DYSF: variants seen among roughly 807,000 people sequenced by gnomAD.
DYSF encodes the protein dystrophy-associated fer-1-like 1.
A neutral mutation model predicts 274.9 loss-of-function variants in DYSF; 212 were observed. That is an observed-to-expected ratio of 0.77 (90% CI 0.69 to 0.86). The LOEUF (loss-of-function observed/expected upper bound fraction) is 0.86. Among genes scored for constraint, DYSF ranks in the 40% least tolerant of loss-of-function variants. The probability of loss-of-function intolerance (pLI) is 0.00; values close to 1 mark genes in which losing one functional copy is unlikely to be tolerated. For synonymous variants in DYSF, 1,091 were observed against 1,078.7 expected (o/e 1.01, Z -0.22); for missense variants, 2,666 against 2,783.2 (o/e 0.96, Z 0.95).
intron 1 of DYSF, among the ~76,000 whole-genome samples, chr2:71,457,378 A>T (rs770550917): frequency 3.3e-5 from 5 of 152,174 alleles, no homozygotes; most frequent in Non-Finnish European, 5.9e-5. Flanking sequence ...TAGTGGGGTT[A>T]TGATTTGAGT....
At chr2:71,460,610 C>T (rs2081244664) in intron 1 of DYSF, among the ~76,000 whole-genome samples, 1 of 152,140 alleles carries the variant, frequency 6.6e-6, no homozygotes, top group African/African-American at 2.4e-5. Context: ...AGGGAACAGT[C>T]AGTTATCTGA....
At chr2:71,526,095 C>T (rs1474994499) in intron 12 of DYSF, 125 bp from the exon 13 acceptor site, 7 of 1,549,512 alleles carry the variant, frequency 4.5e-6, no homozygotes, top group African/African-American at 1.4e-5. Flanking sequence ...TAGTAAGTGT[C>T]GGAGCGCAGT....
intron 22 of DYSF, among the ~76,000 whole-genome samples, chr2:71,559,590 G>A (rs1463950742): frequency 1.3e-5 from 2 of 152,082 alleles, no homozygotes; most frequent in Admixed American, 6.5e-5. Context: ...TAGTTTGTCC[G>A]GCCCTCAGCA....
intron 40 of DYSF, among the ~76,000 whole-genome samples, chr2:71,620,131 C>T (rs1274098465): frequency 6.6e-6 from 1 of 152,060 alleles, no homozygotes; most frequent in East Asian, 1.9e-4. Context: ...TGGTGTGGCT[C>T]AGAGGTTAGG....
intron 41 of DYSF, among the ~76,000 whole-genome samples, chr2:71,634,584 G>A (rs908989352): frequency 3.9e-5 from 6 of 152,314 alleles, no homozygotes; most frequent in African/African-American, 1.4e-4. Context: ...CTGTGAGTGT[G>A]TTAAAAATAT....
intron 41 of DYSF, among the ~76,000 whole-genome samples, chr2:71,631,763 G>A (rs929288240): frequency 6.6e-5 from 10 of 151,962 alleles, no homozygotes; most frequent in African/African-American, 2.2e-4. Context: ...TTGGATCCTC[G>A]TTGCCGGAGC....
intron 3 of DYSF, 114 bp from the exon 4 acceptor site, chr2:71,503,100 G>C: frequency 3.3e-6 from 3 of 921,612 alleles, no homozygotes; most frequent in Non-Finnish European, 5.4e-6. Flanking sequence ...GGTGCTGGGT[G>C]ACTGTGTGGT....
At chr2:71,459,179 A>G (rs1334440662) in intron 1 of DYSF, among the ~76,000 whole-genome samples, 2 of 152,176 alleles carry the variant, frequency 1.3e-5, no homozygotes, top group Admixed American at 6.5e-5. Context: ...AGTCCTGTCA[A>G]CTCATGTAGA....
At chr2:71,659,649 T>C (rs529698706) in intron 44 of DYSF, among the ~76,000 whole-genome samples, 1 of 152,382 alleles carries the variant, frequency 6.6e-6, no homozygotes, top group East Asian at 1.9e-4. Context: ...TCTTAATAAC[T>C]ATTTTGGCCC....
At position 71,562,926 on chromosome 2, in the gene DYSF, A is replaced by G. The variant is rs951503820; in HGVS notation, c.2409+982A>G. 3.9e-5 allele frequency among the ~76,000 whole-genome samples: 6 copies of G among 152,140 alleles called. No homozygotes were observed. The South Asian group carries it at 1.2e-3, about 32-fold the overall frequency. On this transcript the variant is annotated intron_variant, in intron 23 of 55. Coordinates refer to ENST00000410020, the MANE Select transcript of DYSF (RefSeq NM_001130987.2). ...CCAGACTGACCCGTGAACTGTAAGC[A>G]CAAATTGTGATATGGCTGGAAGGGG...
intron 52 of DYSF, among the ~76,000 whole-genome samples, chr2:71,678,416 A>G (rs1398694382): frequency 6.6e-6 from 1 of 152,254 alleles, no homozygotes; most frequent in Non-Finnish European, 1.5e-5. Flanking sequence ...TATGGAAATC[A>G]AAATAAGCCA....
At chr2:71,600,585 G>A in intron 33 of DYSF, 117 bp from the exon 34 acceptor site, 2 of 1,400,854 alleles carry the variant, frequency 1.4e-6, no homozygotes, top group Non-Finnish European at 2.0e-6. Context: ...GGGAGGGGGT[G>A]CCCTTACTAC....
At chr2:71,504,015 AT>A (rs2085237759) in intron 4 of DYSF, among the ~76,000 whole-genome samples, 1 of 152,170 alleles carries the variant, frequency 6.6e-6, no homozygotes, top group Non-Finnish European at 1.5e-5. Context: ...GGCCTGGGGG[AT>A]TCAGGCCCTG....
intron 1 of DYSF, among the ~76,000 whole-genome samples, chr2:71,478,400 A>G (rs1355090778): frequency 2.6e-5 from 4 of 151,862 alleles, no homozygotes; most frequent in South Asian, 2.1e-4. Context: ...TTTAGTAGAG[A>G]TGGGGTTTCA....
At chr2:71,493,870 A>G (rs868807853) in intron 3 of DYSF, among the ~76,000 whole-genome samples, 8 of 144,006 alleles carry the variant, frequency 5.6e-5, no homozygotes, top group Admixed American at 7.1e-5. Context: ...AAAAAAAAAA[A>G]AAAAGAAAGA....
At position 71,570,398 on chromosome 2, in the gene DYSF, G is replaced by A. The variant is rs1034642657; in HGVS notation, c.3085+64G>A. 9 of 1,552,792 alleles carry A rather than the reference G, an allele frequency of 5.8e-6. No individual in the cohort carries two copies. In the Admixed American group the frequency reaches 6.8e-5, roughly 12 times the overall value. On this transcript the variant is annotated intron_variant, in intron 28 of 55. Coordinates refer to ENST00000410020, the MANE Select transcript of DYSF (RefSeq NM_001130987.2). Reference sequence around the variant, plus strand: ...CAAGCTCTCAAGCCATGCTGGTGGGGACGACTGAATGCCAGGGCCCTTCAC... The same window carrying A: ...CAAGCTCTCAAGCCATGCTGGTGGGAACGACTGAATGCCAGGGCCCTTCAC...
At chr2:71,483,987 CAT>C (rs1047002542) in intron 3 of DYSF, among the ~76,000 whole-genome samples, 1 of 149,112 alleles carries the variant, frequency 6.7e-6, no homozygotes, top group Non-Finnish European at 1.5e-5. Context: ...AGCAGAAGCA[CAT>C]GTTTCATTTT....
At chr2:71,472,120 G>A (rs1403421105) in intron 1 of DYSF, among the ~76,000 whole-genome samples, 1 of 152,112 alleles carries the variant, frequency 6.6e-6, no homozygotes, top group Admixed American at 6.5e-5. Flanking sequence ...GAATATTTAG[G>A]TTATATAAGT....
At chr2:71,589,241 C>A (rs1054760598) in intron 30 of DYSF, among the ~76,000 whole-genome samples, 4 of 152,190 alleles carry the variant, frequency 2.6e-5, no homozygotes, top group Admixed American at 2.6e-4. Flanking sequence ...CATTTCGATT[C>A]CACTGGACTT....
Sources: allele counts gnomAD v4.1 joint callset (sites outside exome capture counted in the v4.1 genomes callset), GRCh38; gene constraint gnomAD v4.1.1; transcripts MANE v1.5; gene names NCBI Gene and HGNC (gene_info 2026-07-23, HGNC 2026-07-21).